The following GUCY1A2 variants were observed in gnomAD, a reference collection of about 807,000 sequenced individuals.
The protein encoded by GUCY1A2 is guanylate cyclase 1 soluble subunit alpha 2.
In GUCY1A2, 27 loss-of-function variants were observed where a neutral mutation model predicts 63.5. The observed-to-expected ratio is 0.43, with a 90% CI of 0.31 to 0.59. The LOEUF (loss-of-function observed/expected upper bound fraction) is 0.59, where lower values mean the gene tolerates loss of function less well. GUCY1A2 is among the 20% of genes least tolerant of loss of function. The probability of loss-of-function intolerance (pLI) is 0.11; values close to 1 mark genes in which losing one functional copy is unlikely to be tolerated. For missense variants in GUCY1A2, 768 were observed against 913.3 expected (o/e 0.84, Z 2.05); for synonymous variants, 364 against 343.5 (o/e 1.06, Z -0.66).
intron 1 of GUCY1A2, among the ~76,000 whole-genome samples, chr11:106,987,652 CAAAAA>C (rs59863037): frequency 9.2e-6 from 1 of 108,852 alleles, no homozygotes; most frequent in Non-Finnish European, 1.9e-5. Context: ...GACTCTGCCT[CAAAAA>C]AAAAAAAAAA....
chr11:107,016,202 C>T lies in GUCY1A2; in HGVS notation c.303+1551G>A, dbSNP rs1201553717. Reference sequence around the variant, plus strand: ...AAAGAGAGACTCAACAGTAATCAAACAAGATCAGTGTTCAGATTCATTTCG... The same window carrying T: ...AAAGAGAGACTCAACAGTAATCAAATAAGATCAGTGTTCAGATTCATTTCG... On this transcript the variant is annotated intron_variant, in intron 1 of 7. Transcript: ENST00000526355. Among the ~76,000 whole-genome samples, 3 of 152,190 alleles carry T rather than the reference C, an allele frequency of 2.0e-5. No homozygotes were observed. The East Asian group carries it at 5.8e-4, about 29-fold the overall frequency.
At chr11:106,752,547 T>G (rs902434025) in intron 6 of GUCY1A2, among the ~76,000 whole-genome samples, 1 of 151,964 alleles carries the variant, frequency 6.6e-6, no homozygotes, top group Non-Finnish European at 1.5e-5. Context: ...GTGTGTGATG[T>G]TCCCCTCCCT....
At chr11:106,868,838 G>A (rs1277177453) in intron 4 of GUCY1A2, among the ~76,000 whole-genome samples, 1 of 152,078 alleles carries the variant, frequency 6.6e-6, no homozygotes, top group African/African-American at 2.4e-5. Context: ...GAGGCATCAC[G>A]CTATCTGACT....
At chr11:106,863,215 A>T (rs1859538774) in intron 4 of GUCY1A2, among the ~76,000 whole-genome samples, 1 of 152,244 alleles carries the variant, frequency 6.6e-6, no homozygotes, top group South Asian at 2.1e-4. Flanking sequence ...GTCTTTGCCC[A>T]TGCCTATTTC....
intron 4 of GUCY1A2, among the ~76,000 whole-genome samples, chr11:106,937,390 T>A (rs192686655): frequency 1.5e-4 from 23 of 152,282 alleles, no homozygotes; most frequent in African/African-American, 5.5e-4. Context: ...AAATGAAATA[T>A]AAGGGGAAAA....
At chr11:106,906,948 T>A (rs1860216827) in intron 4 of GUCY1A2, among the ~76,000 whole-genome samples, 1 of 151,910 alleles carries the variant, frequency 6.6e-6, no homozygotes, top group Non-Finnish European at 1.5e-5. Flanking sequence ...GGTTGGGGAC[T>A]AGGGGAGGGA....
At chr11:106,828,331 G>A (rs1182580743) in intron 4 of GUCY1A2, among the ~76,000 whole-genome samples, 1 of 151,768 alleles carries the variant, frequency 6.6e-6, no homozygotes, top group African/African-American at 2.4e-5. Context: ...ATAGTTGCAA[G>A]TATTATGTTT....
At chr11:106,755,813 T>C (rs754902662) in intron 6 of GUCY1A2, among the ~76,000 whole-genome samples, 1 of 152,174 alleles carries the variant, frequency 6.6e-6, no homozygotes, top group African/African-American at 2.4e-5. Flanking sequence ...CTGAGAAGAA[T>C]GTGTATTCTG....
chr11:106,985,810 G>C (rs1269887193), intron 2 of GUCY1A2, among the ~76,000 whole-genome samples: 1 of 152,020 alleles, frequency 6.6e-6, no homozygotes, highest in Non-Finnish European at 1.5e-5. Context: ...GAATAAAAGA[G>C]TAAGAACATG....
intron 4 of GUCY1A2, among the ~76,000 whole-genome samples, chr11:106,893,170 A>G (rs1443370205): frequency 1.3e-5 from 2 of 152,202 alleles, no homozygotes; most frequent in African/African-American, 4.8e-5. Flanking sequence ...ATATCTTACA[A>G]GATCATCCTA....
intron 1 of GUCY1A2, 69 bp from the exon 2 acceptor site, chr11:106,986,200 T>C: frequency 2.5e-6 from 2 of 793,980 alleles, no homozygotes; most frequent in South Asian, 2.9e-5. Flanking sequence ...GTGAGTATCG[T>C]AGGCAGACAG....
intron 5 of GUCY1A2, among the ~76,000 whole-genome samples, chr11:106,779,627 T>C (rs1864423262): frequency 6.7e-6 from 1 of 149,206 alleles, no homozygotes; most frequent in South Asian, 2.1e-4. Flanking sequence ...ACCATCATCA[T>C]CCTCATCAGC....
rs76894883 is a variant in GUCY1A2, at chr11:106,801,396, T to C, written c.1692+8597A>G. ...AAAGTTGTTGGAGAGACCGTACCAA[T>C]TGATAAATGAATATCTCATTTTATG... On this transcript the variant is annotated intron_variant, in intron 5 of 7. Transcript: ENST00000526355. Among the ~76,000 whole-genome samples, 1,179 of 152,222 alleles carry C rather than the reference T, an allele frequency of 7.7e-3. 80 individuals carry two copies. The East Asian group carries it at 0.15, about 19-fold the overall frequency.
chr11:107,013,095 A>C (rs1861770854), intron 1 of GUCY1A2, among the ~76,000 whole-genome samples: 3 of 152,126 alleles, frequency 2.0e-5, no homozygotes, highest in African/African-American at 7.2e-5. Flanking sequence ...ACTTGAATCT[A>C]AGCTTCCACC....
intron 5 of GUCY1A2, among the ~76,000 whole-genome samples, chr11:106,795,515 C>T (rs1002561986): frequency 1.3e-5 from 2 of 152,190 alleles, no homozygotes; most frequent in Non-Finnish European, 2.9e-5. Flanking sequence ...AGACAGCTTT[C>T]ATAGACTCCA....
chr11:106,734,050 A>G (rs908668935), intron 6 of GUCY1A2, among the ~76,000 whole-genome samples: 1 of 152,178 alleles, frequency 6.6e-6, no homozygotes. Flanking sequence ...GACAAACTAT[A>G]CTGAGTTTCT....
At chr11:106,914,035 A>G (rs972051950) in intron 4 of GUCY1A2, among the ~76,000 whole-genome samples, 60 of 149,726 alleles carry the variant, frequency 4.0e-4, no homozygotes, top group Non-Finnish European at 7.9e-4. Context: ...AGAGAGAGAG[A>G]GAGGGAGGGA....
chr11:106,807,476 C>G (rs1858707329), intron 5 of GUCY1A2, among the ~76,000 whole-genome samples: 1 of 152,150 alleles, frequency 6.6e-6, no homozygotes, highest in Non-Finnish European at 1.5e-5. Context: ...ACCATTACTG[C>G]TATGGATTTA....
At chr11:106,787,753 T>C (rs962885473) in intron 5 of GUCY1A2, among the ~76,000 whole-genome samples, 7 of 151,776 alleles carry the variant, frequency 4.6e-5, no homozygotes, top group African/African-American at 1.7e-4. Flanking sequence ...CCATTGTGTA[T>C]ATGTACCACA....
Sources: allele counts gnomAD v4.1 joint callset (sites outside exome capture counted in the v4.1 genomes callset), GRCh38; gene constraint gnomAD v4.1.1; transcripts MANE v1.5; gene names NCBI Gene and HGNC (gene_info 2026-07-23, HGNC 2026-07-21).